The following NREP variants were observed in gnomAD, a reference collection of about 807,000 sequenced individuals.
The protein encoded by NREP is neuronal regeneration related protein, also known as neuronal regeneration-related protein.
In NREP, 5 loss-of-function variants were observed where a neutral mutation model predicts 8.6. The observed-to-expected ratio is 0.58, with a 90% CI of 0.30 to 1.22. The LOEUF (loss-of-function observed/expected upper bound fraction) is 1.22. Among genes scored for constraint, NREP ranks in the 50% most tolerant of loss-of-function variants. The probability of loss-of-function intolerance (pLI) is 0.07; values close to 1 mark genes in which losing one functional copy is unlikely to be tolerated. For synonymous variants in NREP, 27 were observed against 28.0 expected (o/e 0.96, Z 0.11); for missense variants, 86 against 82.5 (o/e 1.04, Z -0.17).
chr5:111,785,854 C>A (rs1751597157), intron 2 of NREP, among the ~76,000 whole-genome samples: 1 of 152,110 alleles, frequency 6.6e-6, no homozygotes, highest in Non-Finnish European at 1.5e-5. Context: ...TTCCTGCCTT[C>A]CTGAGTCCCC....
intron 1 of NREP, among the ~76,000 whole-genome samples, chr5:111,976,217 T>C (rs187347122): frequency 2.4e-4 from 37 of 152,310 alleles, no homozygotes; most frequent in African/African-American, 8.7e-4. Flanking sequence ...GCTCTGCATA[T>C]TTCAATGCTG....
chr5:111,794,744 T>C (rs553383540), intron 2 of NREP, among the ~76,000 whole-genome samples: 2 of 152,228 alleles, frequency 1.3e-5, no homozygotes, highest in South Asian at 4.1e-4. Flanking sequence ...TATTAAGCTA[T>C]CATGATGGAT....
At chr5:111,776,338 T>C (rs913256783) in intron 2 of NREP, among the ~76,000 whole-genome samples, 1 of 152,206 alleles carries the variant, frequency 6.6e-6, no homozygotes, top group African/African-American at 2.4e-5. Context: ...ATGATGGGAA[T>C]ACTAATGTAA....
At chr5:111,966,372 G>T (rs1414662589) in intron 2 of NREP, among the ~76,000 whole-genome samples, 3 of 152,116 alleles carry the variant, frequency 2.0e-5, no homozygotes, top group African/African-American at 4.8e-5. Context: ...TAATCAATCT[G>T]CTTTTAATCT....
chr5:111,855,987 A>G (rs1237220379), intron 2 of NREP, among the ~76,000 whole-genome samples: 1 of 152,226 alleles, frequency 6.6e-6, no homozygotes, highest in Non-Finnish European at 1.5e-5. Flanking sequence ...GAGCATGGAC[A>G]GACCCTGGGT....
intron 2 of NREP, among the ~76,000 whole-genome samples, chr5:111,863,179 G>C (rs753269940): frequency 2.0e-5 from 3 of 152,176 alleles, no homozygotes; most frequent in Admixed American, 1.3e-4. Context: ...TGGTAGTAGA[G>C]AGAGAGAAAC....
chr5:111,798,365 T>C (rs1351914232), intron 2 of NREP, among the ~76,000 whole-genome samples: 2 of 152,112 alleles, frequency 1.3e-5, no homozygotes, highest in Non-Finnish European at 2.9e-5. Flanking sequence ...CTTTTTTAAT[T>C]AGTTTTTATT....
intron 2 of NREP, among the ~76,000 whole-genome samples, chr5:111,796,300 A>T (rs1320966748): frequency 6.6e-6 from 1 of 152,082 alleles, no homozygotes; most frequent in Non-Finnish European, 1.5e-5. Context: ...TCATCTTTTA[A>T]GGACCCTCGT....
intron 2 of NREP, among the ~76,000 whole-genome samples, chr5:111,939,295 T>C (rs1755765645): frequency 6.6e-6 from 1 of 152,086 alleles, no homozygotes; most frequent in Non-Finnish European, 1.5e-5. Flanking sequence ...ATTCTGATCC[T>C]GTCTCCTCTG....
At chr5:111,885,757 C>T (rs956191454) in intron 2 of NREP, among the ~76,000 whole-genome samples, 4 of 152,212 alleles carry the variant, frequency 2.6e-5, no homozygotes, top group African/African-American at 7.2e-5. Flanking sequence ...GCTGGGAAAA[C>T]TGGCTAGCCA....
chr5:111,731,541 C>T (rs1170758200), intron 3 of NREP, among the ~76,000 whole-genome samples: 2 of 151,890 alleles, frequency 1.3e-5, no homozygotes, highest in Non-Finnish European at 2.9e-5. Context: ...TCAATCTTAT[C>T]TATGTATGGC....
intron 2 of NREP, among the ~76,000 whole-genome samples, chr5:111,801,252 C>T (rs1331755835): frequency 6.6e-6 from 1 of 152,168 alleles, no homozygotes; most frequent in Admixed American, 6.5e-5. Context: ...TTATTTTCAA[C>T]AGGGAGAATT....
chr5:111,805,065 C>T (rs189340254), intron 2 of NREP, among the ~76,000 whole-genome samples: 2 of 152,132 alleles, frequency 1.3e-5, no homozygotes, highest in Admixed American at 1.3e-4. Flanking sequence ...ACACGAACAG[C>T]CATAAAGACG....
intron 2 of NREP, among the ~76,000 whole-genome samples, chr5:111,848,284 A>G (rs1023286377): frequency 1.3e-5 from 2 of 152,312 alleles, no homozygotes; most frequent in South Asian, 4.1e-4. Context: ...CCATATGGAT[A>G]TATTTCTAGT....
At chr5:111,939,372 G>A (rs1045107987) in intron 2 of NREP, among the ~76,000 whole-genome samples, 1 of 151,974 alleles carries the variant, frequency 6.6e-6, no homozygotes, top group African/African-American at 2.4e-5. Context: ...CATAACCAAA[G>A]CATCAATTTC....
At chr5:111,757,778 C>T, upstream of NREP, 2 of 977,226 alleles carry the variant, frequency 2.0e-6, no homozygotes, top group East Asian at 1.1e-4. Context: ...TCCCCGCCCC[C>T]GGCCAGCCTC....
chr5:111,813,800 A>G (rs1041426914), intron 2 of NREP, among the ~76,000 whole-genome samples: 4 of 152,014 alleles, frequency 2.6e-5, no homozygotes, highest in African/African-American at 9.7e-5. Flanking sequence ...CAGCTGATTT[A>G]TTTCACCATC....
At chr5:111,975,154 T>TA in intron 2 of NREP, 1 of 689,124 alleles carries the variant, frequency 1.5e-6, no homozygotes, top group South Asian at 1.8e-5. Flanking sequence ...GGAAAGGCTT[T>TA]CACGGGGCAA....
chr5:111,749,027 A>G (rs1427457018), intron 2 of NREP, among the ~76,000 whole-genome samples: 1 of 152,172 alleles, frequency 6.6e-6, no homozygotes, highest in Non-Finnish European at 1.5e-5. Flanking sequence ...CAGGAGGTGT[A>G]TTCCTTCTAG....
Sources: allele counts gnomAD v4.1 joint callset (sites outside exome capture counted in the v4.1 genomes callset), GRCh38; gene constraint gnomAD v4.1.1; transcripts MANE v1.5; gene names NCBI Gene and HGNC (gene_info 2026-07-23, HGNC 2026-07-21).